ASTN2: variants seen among roughly 807,000 people sequenced by gnomAD.
ASTN2 encodes astrotactin-2.
A neutral mutation model predicts 139.8 loss-of-function variants in ASTN2; 54 were observed. The observed-to-expected ratio is 0.39, with a 90% confidence interval of 0.31 to 0.48. ASTN2 has a LOEUF of 0.48. Ranked by LOEUF, ASTN2 falls within the 20% of genes least tolerant of loss-of-function variation. The probability of loss-of-function intolerance (pLI) is 0.95; values close to 1 mark genes in which losing one functional copy is unlikely to be tolerated. For synonymous variants in ASTN2, 756 were observed against 719.5 expected (o/e 1.05, Z -0.81); for missense variants, 1,565 against 1,725.1 (o/e 0.91, Z 1.64).
intron 2 of ASTN2, 111 bp from the exon 3 acceptor site, chr9:117,214,853 A>AT: frequency 1.6e-6 from 2 of 1,222,790 alleles, no homozygotes; most frequent in Non-Finnish European, 2.1e-6. Flanking sequence ...TTTGGCTCAT[A>AT]GAGCCTCAGG....
chr9:116,444,283 T>G (rs1847923255), intron 20 of ASTN2, among the ~76,000 whole-genome samples: 1 of 152,188 alleles, frequency 6.6e-6, no homozygotes, highest in African/African-American at 2.4e-5. Context: ...AAAAATGTGA[T>G]TCCATTAGCC....
chr9:117,146,746 T>G (rs4837009), intron 3 of ASTN2, among the ~76,000 whole-genome samples: 30,700 of 152,000 alleles, frequency 0.2, 3,539 homozygotes, highest in Middle Eastern at 0.33. Flanking sequence ...CAGATTACCA[T>G]TAAAGAATTT....
At chr9:116,690,393 C>T (rs1408689394) in intron 16 of ASTN2, among the ~76,000 whole-genome samples, 1 of 152,186 alleles carries the variant, frequency 6.6e-6, no homozygotes, top group Non-Finnish European at 1.5e-5. Flanking sequence ...TGTCTTACAC[C>T]TATGTTACAT....
At chr9:117,305,267 G>C (rs1214388644) in intron 1 of ASTN2, among the ~76,000 whole-genome samples, 1 of 152,100 alleles carries the variant, frequency 6.6e-6, no homozygotes, top group Non-Finnish European at 1.5e-5. Context: ...TCCTTCCCTA[G>C]GTCATTGGAG....
intron 10 of ASTN2, among the ~76,000 whole-genome samples, chr9:116,953,036 G>A (rs1835609565): frequency 2.6e-5 from 4 of 152,114 alleles, no homozygotes; most frequent in Admixed American, 2.0e-4. Flanking sequence ...AAAAGGAAGG[G>A]GTGGAGGAGA....
chr9:117,262,190 G>C (rs1381447533), intron 2 of ASTN2, among the ~76,000 whole-genome samples: 2 of 152,038 alleles, frequency 1.3e-5, no homozygotes, highest in South Asian at 4.2e-4. Flanking sequence ...TGGTACCAGA[G>C]TGTGGGTATA....
intron 13 of ASTN2, among the ~76,000 whole-genome samples, chr9:116,797,126 C>A (rs1241791113): frequency 6.6e-6 from 1 of 151,780 alleles, no homozygotes; most frequent in African/African-American, 2.4e-5. Flanking sequence ...TCTAAATAAA[C>A]AAAGAGGGTG....
chr9:117,169,206 AAG>A lies in ASTN2; in HGVS notation c.1016-27730_1016-27729del, dbSNP rs1185517052. On this transcript the variant is annotated intron_variant, in intron 3 of 22. Coordinates refer to ENST00000313400, the MANE Select transcript of ASTN2 (RefSeq NM_001365068.1). Reference sequence around the variant, plus strand: ...AGGGAAAATAAAAAGGAAGAAGAAAAAGAAAAAAAAAAAATCTCATTCATTTT... The same window carrying A: ...AGGGAAAATAAAAAGGAAGAAGAAAAAAAAAAAAAAAATCTCATTCATTTT... Among the ~76,000 whole-genome samples, 166 of 41,460 alleles carry A rather than the reference AAG, an allele frequency of 4.0e-3. 1 individual carries two copies. Among genetic ancestry groups the A allele is most frequent in the Non-Finnish European group, 6.0e-3 (139 of 23,128 alleles). 27.2% of individuals were successfully genotyped at this position (41,460 alleles called of 152,430 possible). A position where few individuals can be genotyped will look rare whatever the true frequency, so the allele number is the denominator to read the frequency against.
chr9:117,243,823 T>C (rs1281958850), intron 2 of ASTN2, among the ~76,000 whole-genome samples: 2 of 152,174 alleles, frequency 1.3e-5, no homozygotes, highest in Non-Finnish European at 2.9e-5. Flanking sequence ...TGTCAGATAC[T>C]TCAAGGTGGC....
chr9:116,496,113 C>T (rs185628216), intron 19 of ASTN2, among the ~76,000 whole-genome samples: 1 of 152,362 alleles, frequency 6.6e-6, no homozygotes, highest in Admixed American at 6.5e-5. Flanking sequence ...GGAGCATCCA[C>T]TATCACCCTT....
At chr9:117,312,326 G>GT (rs756797170) in intron 1 of ASTN2, among the ~76,000 whole-genome samples, 25 of 152,102 alleles carry the variant, frequency 1.6e-4, no homozygotes, top group Non-Finnish European at 2.6e-4. Context: ...GTCCCTTTCA[G>GT]TTTTTTGTTA....
chr9:116,448,895 C>G (rs957453559), intron 20 of ASTN2, among the ~76,000 whole-genome samples: 1 of 152,180 alleles, frequency 6.6e-6, no homozygotes, highest in African/African-American at 2.4e-5. Context: ...GACTGCTAGA[C>G]ACTCTGAAGT....
intron 20 of ASTN2, among the ~76,000 whole-genome samples, chr9:116,463,927 T>TGA: frequency 6.7e-6 from 1 of 149,634 alleles, no homozygotes; most frequent in Non-Finnish European, 1.5e-5. Context: ...TTTTTTTTTT[T>TGA]GAGAGAGACA....
intron 1 of ASTN2, among the ~76,000 whole-genome samples, chr9:117,311,878 T>A (rs758409768): frequency 4.6e-5 from 7 of 152,156 alleles, no homozygotes; most frequent in Non-Finnish European, 8.8e-5. Flanking sequence ...CTGTTGAAGC[T>A]CTTCCTAATT....
At chr9:116,658,316 A>G (rs938955340) in intron 16 of ASTN2, among the ~76,000 whole-genome samples, 8 of 152,176 alleles carry the variant, frequency 5.3e-5, no homozygotes, top group Admixed American at 5.2e-4. Context: ...GGCCTATACC[A>G]ACAGAACAGA....
chr9:116,847,516 C>T (rs1832475992), intron 11 of ASTN2, among the ~76,000 whole-genome samples: 1 of 152,192 alleles, frequency 6.6e-6, no homozygotes, highest in African/African-American at 2.4e-5. Flanking sequence ...CAATACCTAT[C>T]TGGTGATGAT....
intron 5 of ASTN2, among the ~76,000 whole-genome samples, chr9:117,076,503 T>C (rs939097413): frequency 6.6e-6 from 1 of 152,126 alleles, no homozygotes; most frequent in African/African-American, 2.4e-5. Flanking sequence ...AACTTTATTA[T>C]AATGACAAGG....
intron 4 of ASTN2, among the ~76,000 whole-genome samples, chr9:117,127,482 C>A (rs1829717660): frequency 6.6e-6 from 1 of 152,044 alleles, no homozygotes; most frequent in African/African-American, 2.4e-5. Context: ...AGCTTTATTT[C>A]CATGGTTTTG....
At chr9:116,489,948 T>C (rs111595965) in intron 19 of ASTN2, among the ~76,000 whole-genome samples, 3 of 152,248 alleles carry the variant, frequency 2.0e-5, no homozygotes, top group African/African-American at 7.2e-5. Context: ...TGAGACTGAG[T>C]ACTAATTCCA....
Sources: gnomAD v4.1 joint callset for allele counts (sites outside exome capture counted in the v4.1 genomes callset) on GRCh38, gnomAD v4.1.1 for gene constraint, MANE v1.5 for transcripts, NCBI Gene and HGNC (gene_info 2026-07-23, HGNC 2026-07-21) for gene names.